PPP2R2D: variants seen among roughly 807,000 people sequenced by gnomAD.
PPP2R2D encodes the protein serine/threonine-protein phosphatase 2A 55 kDa regulatory subunit B delta isoform.
Under a neutral mutation model 31.1 loss-of-function variants are expected in PPP2R2D, and 9 were observed. The ratio of observed to expected loss-of-function variants is 0.29; its 90% CI spans 0.17 to 0.51. The LOEUF (loss-of-function observed/expected upper bound fraction) is 0.51. PPP2R2D is among the 20% of genes least tolerant of loss of function. The pLI is 0.98. For synonymous variants in PPP2R2D, 179 were observed against 172.6 expected (o/e 1.04, Z -0.29); for missense variants, 391 against 465.6 (o/e 0.84, Z 1.48).
chr10:131,902,815 C>T (rs1458184538), intron 2 of PPP2R2D, among the ~76,000 whole-genome samples: 2 of 152,124 alleles, frequency 1.3e-5, no homozygotes, highest in African/African-American at 4.8e-5. Flanking sequence ...TGCAGTGGTG[C>T]GATCTGGGCT....
intron 2 of PPP2R2D, among the ~76,000 whole-genome samples, chr10:131,932,780 CGTT>C (rs543195940): frequency 1.9e-4 from 28 of 150,602 alleles, no homozygotes; most frequent in African/African-American, 5.9e-4. Context: ...ATAATTTAAA[CGTT>C]GTTGGTTTTG....
intron 2 of PPP2R2D, among the ~76,000 whole-genome samples, chr10:131,901,959 C>A (rs939962909): frequency 6.6e-6 from 1 of 152,338 alleles, no homozygotes; most frequent in South Asian, 2.1e-4. Flanking sequence ...AGATTTTAGT[C>A]TTGAACTTCA....
chr10:131,943,242 C>T (rs915949340), intron 5 of PPP2R2D, among the ~76,000 whole-genome samples: 15 of 152,070 alleles, frequency 9.9e-5, no homozygotes, highest in Admixed American at 7.2e-4. Context: ...TATTTCTGTG[C>T]GAATTGGGCT....
intron 2 of PPP2R2D, among the ~76,000 whole-genome samples, chr10:131,933,121 T>C (rs543827492): frequency 6.6e-6 from 1 of 152,348 alleles, no homozygotes; most frequent in East Asian, 1.9e-4. Flanking sequence ...AACAACCTAA[T>C]CCTTCTTCCA....
Position 131,947,256 on chromosome 10 carries a change from T to G in PPP2R2D, c.821-274T>G, listed in dbSNP as rs1225903377. Among the ~76,000 whole-genome samples the G allele has an allele frequency of 2.6e-5, 4 of 152,138 alleles. No individual in the cohort carries two copies. The highest frequency in any genetic ancestry group is 5.9e-5 in the Non-Finnish European group (4 of 68,018). Reference sequence around the variant, plus strand: ...CAGTGCCCAGGACCTTGCCTAGAGATTCTCATTCAGGGTCCGGGTGAGACT... The same window carrying G: ...CAGTGCCCAGGACCTTGCCTAGAGAGTCTCATTCAGGGTCCGGGTGAGACT... On this transcript the variant is annotated intron_variant, in intron 7 of 8. Transcript: ENST00000455566. This position sits in a 1 kb window ranked among gnomAD's most constrained non-coding sequence, Gnocchi z 4.3.
chr10:131,935,947 C>T (rs2036331674), intron 3 of PPP2R2D, among the ~76,000 whole-genome samples: 1 of 151,874 alleles, frequency 6.6e-6, no homozygotes, highest in Non-Finnish European at 1.5e-5. Flanking sequence ...CCTGTAATCC[C>T]AGCTACTTGG....
chr10:131,971,068 C>CA, the PPP2R2D span: 1 of 1,109,232 alleles, frequency 9.0e-7, no homozygotes, highest in African/African-American at 1.5e-5. Context: ...AGGCTCAATT[C>CA]AAGAGCCCAG....
At chr10:131,935,971 G>A (rs963214110) in intron 3 of PPP2R2D, among the ~76,000 whole-genome samples, 6 of 152,018 alleles carry the variant, frequency 3.9e-5, no homozygotes, top group Middle Eastern at 6.8e-3. Context: ...GCTGAGGCAG[G>A]AGAATCGCTT....
At chr10:131,970,585 C>G in the PPP2R2D span, 1 of 1,590,698 alleles carries the variant, frequency 6.3e-7, no homozygotes, top group Non-Finnish European at 8.6e-7. This position sits in a 1 kb window ranked among gnomAD's most constrained non-coding sequence, Gnocchi z 4.1. Flanking sequence ...CACTGCAACC[C>G]AGAATCGCCC....
At chr10:131,967,456 T>TAAGA in the PPP2R2D span, 1 of 152,236 alleles carries the variant, frequency 6.6e-6, no homozygotes, top group African/African-American at 2.4e-5. Flanking sequence ...TCTCCAAATG[T>TAAGA]AAGACTGAGA....
chr10:131,947,552 C>T lies in PPP2R2D; in HGVS notation c.843C>T (p.Pro281=), dbSNP rs2036564294. 6.2e-7 allele frequency: 1 copy of T among 1,613,870 alleles called. No individual in the cohort carries two copies. The highest frequency in any genetic ancestry group is 1.3e-5 in the African/African-American group (1 of 74,908). ...HSKFFEEPED[P]SSRSFFSEII... ...CAGTTTTTGAAGAGCCTGAAGATCC[C>T]AGCAGTAGGTCCTTCTTCTCAGAAA... The change falls in exon 8 of 9, where the codon CCC becomes CCT. Residue 281 remains proline (P), a synonymous_variant. Transcript: ENST00000455566. This position sits in a 1 kb window ranked among gnomAD's most constrained non-coding sequence, Gnocchi z 4.3.
chr10:131,918,278 C>T lies in PPP2R2D; in HGVS notation c.101-16180C>T, dbSNP rs181130709. On this transcript the variant is annotated intron_variant, in intron 2 of 8. Transcript: ENST00000455566. ...AATGACACAGTGTTTGTAGGGACCT[C>T]AGGCGGGTGGAATGACACGGTGTAG... 4.0e-3 allele frequency among the ~76,000 whole-genome samples: 589 copies of T among 147,894 alleles called. 4 individuals are homozygous for T. Among genetic ancestry groups the T allele is most frequent in the African/African-American group, 0.013 (532 of 39,618 alleles).
intron 2 of PPP2R2D, among the ~76,000 whole-genome samples, chr10:131,908,674 C>T (rs1227169779): frequency 6.6e-6 from 1 of 152,188 alleles, no homozygotes; most frequent in Non-Finnish European, 1.5e-5. Flanking sequence ...TAAACGGGTA[C>T]TATTACTTGT....
intron 2 of PPP2R2D, 29 bp from the exon 3 acceptor site, chr10:131,934,429 G>T (rs781884906): frequency 1.3e-6 from 1 of 759,254 alleles, no homozygotes; most frequent in Non-Finnish European, 2.4e-6. Flanking sequence ...AACCGCATCC[G>T]GTAAATCGCT....
chr10:131,971,277 T>C, the PPP2R2D span: 1 of 384,602 alleles, frequency 2.6e-6, no homozygotes, highest in South Asian at 2.6e-5. Context: ...GCAAACACTG[T>C]CCTAGGGAAG....
intron 2 of PPP2R2D, among the ~76,000 whole-genome samples, chr10:131,915,694 G>A (rs1313085329): frequency 6.6e-6 from 1 of 152,212 alleles, no homozygotes; most frequent in East Asian, 1.9e-4. Flanking sequence ...CCGTGGCCGC[G>A]CTTCTCCAGC....
At chr10:131,964,490 G>A (rs782320589), downstream of PPP2R2D, among the ~76,000 whole-genome samples, 2 of 151,902 alleles carry the variant, frequency 1.3e-5, no homozygotes, top group Non-Finnish European at 2.9e-5. Context: ...CTCAAACCGC[G>A]ACTCACTGCT....
chr10:131,912,490 A>G (rs2035700628), intron 2 of PPP2R2D: 1 of 152,330 alleles, frequency 6.6e-6, no homozygotes, highest in South Asian at 2.1e-4. Context: ...TGTGGCCGCC[A>G]CTTGCCTTTT....
chr10:131,937,841 C>CT lies in PPP2R2D; in HGVS notation c.199-2184dup, dbSNP rs561445552. 6.6e-5 allele frequency among the ~76,000 whole-genome samples: 10 copies of CT among 152,294 alleles called. No individual in the cohort carries two copies. The East Asian group carries it at 1.9e-3, about 29-fold the overall frequency. ...TAGAACTGTCTGTTGAGGGGCTGTG[C>CT]TTTTTTGTAGAGTGGTAGGAGAGGG... On this transcript the variant is annotated intron_variant, in intron 3 of 8. Coordinates refer to ENST00000455566, the MANE Select transcript of PPP2R2D (RefSeq NM_018461.5).
Sources: allele counts gnomAD v4.1 joint callset (sites outside exome capture counted in the v4.1 genomes callset), GRCh38; gene constraint gnomAD v4.1.1; non-coding constraint Gnocchi (gnomAD v3.1); transcripts MANE v1.5; gene names NCBI Gene and HGNC (gene_info 2026-07-23, HGNC 2026-07-21).